The following ZNF804B variants were observed in gnomAD, a reference collection of about 807,000 sequenced individuals.
The protein encoded by ZNF804B is zinc finger protein 804B, also known as zinc finger 804B.
A neutral mutation model predicts 101.4 loss-of-function variants in ZNF804B; 80 were observed. The ratio of observed to expected loss-of-function variants is 0.79; its 90% CI spans 0.66 to 0.95. The LOEUF (loss-of-function observed/expected upper bound fraction) is 0.95. ZNF804B is among the 40% of genes least tolerant of loss of function. The pLI, the probability that ZNF804B is intolerant of heterozygous loss-of-function variation, is 0.00. For missense variants in ZNF804B, 1,673 were observed against 1,561.9 expected, an observed-to-expected ratio of 1.07 and a Z score of -1.20; for synonymous variants, 622 against 558.8, an observed-to-expected ratio of 1.11 and a Z score of -1.59.
rs1198358487 is a variant in ZNF804B at position 89,337,121 on chromosome 7, T to C, written c.*89T>C. Reference sequence around the variant, plus strand: ...TTAAAGAAGTCTGTCAATTATAAGATTTAAAATATTGCTGCCAATTCAAAA... The same window carrying C: ...TTAAAGAAGTCTGTCAATTATAAGACTTAAAATATTGCTGCCAATTCAAAA... On this transcript the variant is annotated 3_prime_UTR_variant, in exon 4 of 4. Coordinates refer to ENST00000333190, the MANE Select transcript of ZNF804B (RefSeq NM_181646.5). 7.8e-7 allele frequency: 1 copy of C among 1,277,464 alleles called. No individual in the cohort carries two copies. Among genetic ancestry groups the C allele is most frequent in the Non-Finnish European group, 1.1e-6 (1 of 941,126 alleles). The allele number at this position is 1,277,464 out of a possible 1,614,324, so 79.1% of individuals were successfully genotyped here.
chr7:88,788,126 T>G (rs1306782396), intron 1 of ZNF804B, among the ~76,000 whole-genome samples: 1 of 152,098 alleles, frequency 6.6e-6, no homozygotes, highest in Non-Finnish European at 1.5e-5. Context: ...ATCTAGTGCA[T>G]GTGGAGGTGC....
intron 1 of ZNF804B, among the ~76,000 whole-genome samples, chr7:89,079,692 G>T (rs1224501988): frequency 6.6e-6 from 1 of 151,990 alleles, no homozygotes; most frequent in African/African-American, 2.4e-5. Flanking sequence ...TAGGAGACAA[G>T]AACTAATATA....
intron 1 of ZNF804B, among the ~76,000 whole-genome samples, chr7:89,103,418 GTTC>G (rs1197088134): frequency 6.6e-6 from 1 of 151,400 alleles, no homozygotes; most frequent in Non-Finnish European, 1.5e-5. Flanking sequence ...GTGATTTGTA[GTTC>G]TTCTTGTAGA....
At chr7:89,160,653 CAA>C (rs1341546699) in intron 1 of ZNF804B, among the ~76,000 whole-genome samples, 9 of 152,064 alleles carry the variant, frequency 5.9e-5, no homozygotes, top group African/African-American at 9.7e-5. Flanking sequence ...TAAGGAAAAA[CAA>C]AGACATTTAT....
intron 2 of ZNF804B, among the ~76,000 whole-genome samples, chr7:89,238,379 G>C (rs557666811): frequency 6.6e-6 from 1 of 152,110 alleles, no homozygotes; most frequent in Non-Finnish European, 1.5e-5. Context: ...GTTGTGATCT[G>C]TGAGTGGGTC....
intron 2 of ZNF804B, among the ~76,000 whole-genome samples, chr7:89,282,433 C>T (rs868592229): frequency 5.9e-5 from 9 of 151,942 alleles, no homozygotes; most frequent in Middle Eastern, 3.2e-3. Context: ...AAAAAGTTGA[C>T]AAAAATAACA....
At chr7:88,815,505 T>G (rs1790861996) in intron 1 of ZNF804B, among the ~76,000 whole-genome samples, 1 of 151,184 alleles carries the variant, frequency 6.6e-6, no homozygotes. Context: ...TTATGATATA[T>G]AATGTCCCTT....
At chr7:88,797,092 C>T (rs1790497865) in intron 1 of ZNF804B, among the ~76,000 whole-genome samples, 3 of 152,066 alleles carry the variant, frequency 2.0e-5, no homozygotes, top group Non-Finnish European at 2.9e-5. Context: ...ACATGTTTCC[C>T]TTTACAAATA....
intron 1 of ZNF804B, among the ~76,000 whole-genome samples, chr7:88,856,906 C>G (rs991189110): frequency 6.6e-6 from 1 of 152,008 alleles, no homozygotes; most frequent in Non-Finnish European, 1.5e-5. Context: ...TGCTGGATTA[C>G]GTTTATTGAT....
intron 1 of ZNF804B, among the ~76,000 whole-genome samples, chr7:89,044,293 C>T (rs148326128): frequency 0.011 from 1,658 of 152,278 alleles, 34 homozygotes; most frequent in African/African-American, 0.038. Flanking sequence ...TTCCTGAGGC[C>T]TTCCCAGCCC....
intron 1 of ZNF804B, among the ~76,000 whole-genome samples, chr7:88,819,283 C>G (rs574038589): frequency 1.7e-5 from 2 of 120,450 alleles, no homozygotes; most frequent in South Asian, 5.7e-4. Context: ...GCCTCCACAC[C>G]TGGCTATTTT....
intron 1 of ZNF804B, among the ~76,000 whole-genome samples, chr7:89,111,443 C>T (rs58177437): frequency 0.032 from 2,785 of 86,108 alleles, 92 homozygotes; most frequent in African/African-American, 0.18. Context: ...TGTAGTATTG[C>T]CTTGTTGTTT....
At chr7:89,154,616 G>C (rs114900083) in intron 1 of ZNF804B, among the ~76,000 whole-genome samples, 1,670 of 152,152 alleles carry the variant, frequency 0.011, 34 homozygotes, top group African/African-American at 0.038. Flanking sequence ...CCCACAGAAA[G>C]ACAAACATCA....
At chr7:89,183,079 C>T (rs1037906951) in intron 1 of ZNF804B, among the ~76,000 whole-genome samples, 5 of 151,904 alleles carry the variant, frequency 3.3e-5, no homozygotes, top group Admixed American at 6.6e-5. Flanking sequence ...CAAAAGTGAC[C>T]GGAGAAGGCT....
intron 1 of ZNF804B, among the ~76,000 whole-genome samples, chr7:88,938,551 A>G (rs764081738): frequency 1.3e-4 from 20 of 152,076 alleles, no homozygotes; most frequent in Admixed American, 1.3e-3. Flanking sequence ...AATAAAAGCC[A>G]TCTGATGAGA....
At chr7:88,811,814 G>A (rs1790793065) in intron 1 of ZNF804B, among the ~76,000 whole-genome samples, 1 of 151,840 alleles carries the variant, frequency 6.6e-6, no homozygotes, top group Non-Finnish European at 1.5e-5. Context: ...ACACACTAGG[G>A]CCTGTGAGAC....
At chr7:89,244,172 G>A (rs969311741) in intron 2 of ZNF804B, among the ~76,000 whole-genome samples, 1 of 152,024 alleles carries the variant, frequency 6.6e-6, no homozygotes, top group Admixed American at 6.6e-5. Context: ...TTATAATGCT[G>A]TTTTCAACAT....
chr7:88,846,191 A>G (rs935519514), intron 1 of ZNF804B, among the ~76,000 whole-genome samples: 4 of 152,238 alleles, frequency 2.6e-5, no homozygotes, highest in Admixed American at 6.5e-5. Flanking sequence ...AAATTTTCCA[A>G]TAAGCATTAT....
intron 1 of ZNF804B, among the ~76,000 whole-genome samples, chr7:89,042,585 C>G (rs1191391352): frequency 6.6e-6 from 1 of 151,952 alleles, no homozygotes; most frequent in Non-Finnish European, 1.5e-5. Flanking sequence ...AAGTTATAAC[C>G]TTTCTGAATA....
Sources: gnomAD v4.1 joint callset for allele counts (sites outside exome capture counted in the v4.1 genomes callset) on GRCh38, gnomAD v4.1.1 for gene constraint, MANE v1.5 for transcripts, NCBI Gene and HGNC (gene_info 2026-07-23, HGNC 2026-07-21) for gene names.